The following NHSL1 variants were observed in gnomAD, a reference collection of about 807,000 sequenced individuals.
The protein encoded by NHSL1 is NHS-like protein 1.
In NHSL1, 48 loss-of-function variants were observed where a neutral mutation model predicts 95.0. That is an observed-to-expected ratio of 0.51 (90% CI 0.40 to 0.64). The LOEUF (loss-of-function observed/expected upper bound fraction) is 0.64, where lower values mean the gene tolerates loss of function less well. Among genes scored for constraint, NHSL1 ranks in the 30% least tolerant of loss-of-function variants. NHSL1 has a pLI of 0.00. For synonymous variants in NHSL1, 783 were observed against 833.9 expected (o/e 0.94, Z 1.05); for missense variants, 1,971 against 2,077.7 (o/e 0.95, Z 1.00).
At chr6:138,427,645 A>G (rs925460663) in intron 7 of NHSL1, among the ~76,000 whole-genome samples, 1 of 152,234 alleles carries the variant, frequency 6.6e-6, no homozygotes, top group Non-Finnish European at 1.5e-5. Flanking sequence ...TTTTAAAACT[A>G]ATTACTTCAA....
At chr6:138,653,986 C>T (rs1422221246) in intron 1 of NHSL1, among the ~76,000 whole-genome samples, 1 of 152,150 alleles carries the variant, frequency 6.6e-6, no homozygotes, top group Non-Finnish European at 1.5e-5. Flanking sequence ...TATGCAAATA[C>T]CAATTCATAG....
chr6:138,591,131 T>C (rs1013140981), intron 1 of NHSL1, among the ~76,000 whole-genome samples: 2 of 152,136 alleles, frequency 1.3e-5, no homozygotes, highest in Admixed American at 6.5e-5. Context: ...ACCTATCTTT[T>C]TGAACTTGAG....
At chr6:138,466,585 G>C (rs1778395685) in intron 3 of NHSL1, among the ~76,000 whole-genome samples, 1 of 152,084 alleles carries the variant, frequency 6.6e-6, no homozygotes, top group Admixed American at 6.5e-5. Flanking sequence ...ATTACTTACA[G>C]TCATGTGCAG....
intron 1 of NHSL1, among the ~76,000 whole-genome samples, chr6:138,523,885 C>A (rs1363156035): frequency 6.6e-6 from 1 of 152,130 alleles, no homozygotes; most frequent in African/African-American, 2.4e-5. Context: ...ATAGAATAGT[C>A]TTTAGGGAAA....
chr6:138,567,984 C>T (rs975682096), intron 1 of NHSL1, among the ~76,000 whole-genome samples: 5 of 152,204 alleles, frequency 3.3e-5, no homozygotes, highest in African/African-American at 4.8e-5. Context: ...AATGAGAAGA[C>T]GGACACCCCA....
At chr6:138,668,753 A>G (rs991855521) in intron 1 of NHSL1, among the ~76,000 whole-genome samples, 3 of 150,896 alleles carry the variant, frequency 2.0e-5, no homozygotes, top group African/African-American at 7.3e-5. Flanking sequence ...TCTCCCGCGT[A>G]GCTGGGACTA....
Position 138,432,784 on chromosome 6 carries a change from T to C in NHSL1, c.1561A>G (p.Arg521Gly). ...NGSQAMPYNC[R>G]NNLAFPAHPQ... The stretch of plus-strand genomic sequence containing the variant: ...TGGGCTGGGAAGGCCAGGTTGTTTC[T>C]ACAATTATACGGCATAGCTTGGGAC... Residue 521 changes from arginine to glycine, a missense_variant, in exon 6 of 8, where the codon AGA becomes GGA. Coordinates refer to ENST00000343505, the MANE Select transcript of NHSL1 (RefSeq NM_001144060.2). This position sits in a 1 kb window ranked among gnomAD's most constrained non-coding sequence, Gnocchi z 4.4. The C allele has an allele frequency of 6.4e-7, 1 of 1,551,746 alleles. No individual in the cohort carries two copies. The highest frequency in any genetic ancestry group is 8.7e-7 in the Non-Finnish European group (1 of 1,146,998).
intron 1 of NHSL1, among the ~76,000 whole-genome samples, chr6:138,621,251 G>T (rs1784659295): frequency 6.6e-6 from 1 of 152,130 alleles, no homozygotes; most frequent in African/African-American, 2.4e-5. Context: ...TCTATAATAA[G>T]TATGCTTCAT....
intron 1 of NHSL1, among the ~76,000 whole-genome samples, chr6:138,648,223 G>C (rs1470943686): frequency 6.6e-6 from 1 of 151,976 alleles, no homozygotes; most frequent in Non-Finnish European, 1.5e-5. Flanking sequence ...CAATGTAGGA[G>C]TGTTTTCACT....
intron 1 of NHSL1, among the ~76,000 whole-genome samples, chr6:138,664,140 C>T (rs1583471378): frequency 6.6e-6 from 1 of 152,236 alleles, no homozygotes; most frequent in Non-Finnish European, 1.5e-5. Context: ...TTCACACCTG[C>T]GTTCCAGGGG....
rs1775571382 is a variant in NHSL1 at position 138,430,639 on chromosome 6, C to T, written c.3706G>A (p.Gly1236Ser). 4 of 1,551,524 alleles carry T rather than the reference C, an allele frequency of 2.6e-6. No individual in the cohort carries two copies. Among genetic ancestry groups the T allele is most frequent in the Non-Finnish European group, 3.5e-6 (4 of 1,147,020 alleles). ...AVPSPTTGEE[G>S]SVHSREAKES... Reference sequence around the variant, plus strand: ...TTTGCCTCCCTGCTGTGCACAGAGCCCTCCTCTCCCGTCGTGGGGCTGGGC... The same window carrying T: ...TTTGCCTCCCTGCTGTGCACAGAGCTCTCCTCTCCCGTCGTGGGGCTGGGC... Residue 1236 changes from glycine to serine, a missense_variant, in exon 6 of 8, where the codon GGC becomes AGC. By Grantham distance (56) the Gly-to-Ser change is moderately conservative. Transcript: ENST00000343505. The surrounding 1 kb of genome is among the most constrained non-coding windows in gnomAD (Gnocchi z 4.7).
chr6:138,521,689 C>T (rs1029429957), intron 1 of NHSL1, among the ~76,000 whole-genome samples: 2 of 152,068 alleles, frequency 1.3e-5, no homozygotes, highest in African/African-American at 4.8e-5. Flanking sequence ...GCTGAAGGTG[C>T]CTAAGTGCAG....
rs900238866 is a variant in NHSL1 at position 138,690,281 on chromosome 6, T to C, written c.96+2195A>G. Among the ~76,000 whole-genome samples the C allele has an allele frequency of 2.6e-5, 4 of 152,204 alleles. 1 individual carries two copies. Among genetic ancestry groups the C allele is most frequent in the Non-Finnish European group, 2.9e-5 (2 of 68,034 alleles). ...TTAAAAGAATCCTAACAGATGGTAA[T>C]GCATAGGCATTTCACTGCTTTTAAG... is the stretch of plus-strand genomic sequence containing the variant. On this transcript the variant is annotated intron_variant, in intron 1 of 3. Coordinates refer to the NHSL1 transcript ENST00000491526.
At chr6:138,530,123 G>C (rs1782073978) in intron 1 of NHSL1, among the ~76,000 whole-genome samples, 1 of 152,196 alleles carries the variant, frequency 6.6e-6, no homozygotes, top group Non-Finnish European at 1.5e-5. Flanking sequence ...GATGGTATTA[G>C]GAGGTGGGGC....
At chr6:138,665,987 C>A (rs1785288980) in intron 1 of NHSL1, among the ~76,000 whole-genome samples, 1 of 152,168 alleles carries the variant, frequency 6.6e-6, no homozygotes, top group Admixed American at 6.5e-5. Flanking sequence ...TTGAGGTGCT[C>A]AATCCATAAG....
chr6:138,575,960 C>CATTTATTAATTT (rs1554254051), upstream of NHSL1, among the ~76,000 whole-genome samples: 13 of 144,646 alleles, frequency 9.0e-5, no homozygotes, highest in Non-Finnish European at 1.5e-5. Context: ...AAAATCCCTA[C>CATTTATTAATTT]ATTTATTTAT....
At chr6:138,466,045 G>GGGT (rs1300240190) in intron 3 of NHSL1, among the ~76,000 whole-genome samples, 1 of 139,898 alleles carries the variant, frequency 7.1e-6, no homozygotes, top group East Asian at 2.2e-4. Context: ...CCTTTTTGGG[G>GGGT]GGGGGGCAGG....
rs1775500193 is a variant in NHSL1, at chr6:138,429,730, G to C, written c.4066C>G (p.Leu1356Val). 6.4e-7 allele frequency: 1 copy of C among 1,551,234 alleles called. No individual in the cohort carries two copies. The highest frequency in any genetic ancestry group is 1.2e-5 in the South Asian group (1 of 83,970). The change falls in exon 7 of 8, where the codon CTT (leucine) becomes GTT (valine). Residue 1356 changes from leucine to valine, a missense_variant. Around this residue, in one of 3 missense-constraint regions of NHSL1, gnomAD observed 146 missense variants for 206.3 expected, o/e 0.71. Transcript: ENST00000343505. ...AAATACCTGTGAATAGCTGCAAAAAGGTCTTCTGTGGTCCTGGGTCGACTG... is the reference window on the plus strand; with the variant it reads ...AAATACCTGTGAATAGCTGCAAAAACGTCTTCTGTGGTCCTGGGTCGACTG... ...TPSRPRTTED[L>V]FAAIHRSKRK... is the part of the protein sequence containing the mutation.
upstream of NHSL1, among the ~76,000 whole-genome samples, chr6:138,501,829 G>A (rs570019710): frequency 1.3e-4 from 20 of 152,250 alleles, no homozygotes; most frequent in South Asian, 1.5e-3. Flanking sequence ...TGCAACCTAT[G>A]CACATCTTCC....
Sources: gnomAD v4.1 joint callset for allele counts (sites outside exome capture counted in the v4.1 genomes callset) on GRCh38, gnomAD v4.1.1 for gene constraint, gnomAD v4.1.1 regional missense constraint, Gnocchi (gnomAD v3.1) non-coding constraint, MANE v1.5 for transcripts, NCBI Gene and HGNC (gene_info 2026-07-23, HGNC 2026-07-21) for gene names.